XRCC3: variants seen among roughly 807,000 people sequenced by gnomAD.
XRCC3 encodes the protein DNA repair protein XRCC3.
Under a neutral mutation model 29.2 loss-of-function variants are expected in XRCC3, and 34 were observed. The ratio of observed to expected loss-of-function variants is 1.16; its 90% CI spans 0.88 to 1.55. The LOEUF (loss-of-function observed/expected upper bound fraction) is 1.55. Among genes scored for constraint, XRCC3 ranks in the 40% most tolerant of loss-of-function variants. The probability of loss-of-function intolerance (pLI) is 0.00; values close to 1 mark genes in which losing one functional copy is unlikely to be tolerated. For missense variants in XRCC3, 463 were observed against 467.6 expected (o/e 0.99, Z 0.09); for synonymous variants, 223 against 211.3 (o/e 1.06, Z -0.48).
intron 4 of XRCC3, chr14:103,710,668 G>A (rs1427146691): frequency 4.6e-6 from 1 of 215,468 alleles, no homozygotes; most frequent in Non-Finnish European, 9.3e-6. Context: ...GTGAACCCCG[G>A]GAGGCGGAGC....
rs1266079666 is a variant in XRCC3 at position 103,711,096 on chromosome 14, T to C, written c.-9A>G. The C allele has an allele frequency of 1.2e-6, 2 of 1,614,156 alleles. No homozygotes were observed. Among genetic ancestry groups the C allele is most frequent in the East Asian group, 4.5e-5 (2 of 44,888 alleles). ...AGTAGATCCAAATCCATTTTGTCGGTGGGCTGGCCACCAGGATGAATAACT... is the reference window on the plus strand; with the variant it reads ...AGTAGATCCAAATCCATTTTGTCGGCGGGCTGGCCACCAGGATGAATAACT... On this transcript the variant is annotated 5_prime_UTR_variant, in exon 4 of 10. Transcript: ENST00000555055.
intron 5 of XRCC3, chr14:103,707,931 C>G: frequency 4.6e-6 from 1 of 216,052 alleles, no homozygotes; most frequent in East Asian, 1.1e-4. Context: ...GCCCACAGCA[C>G]CGTGTGTGTG....
Position 103,699,005 on chromosome 14 carries a change from T to C in XRCC3, c.834A>G (p.Glu278=), listed in dbSNP as rs2151904481. The change falls in exon 10 of 10, where the codon GAA becomes GAG. Residue 278 remains glutamate (E), a synonymous_variant. Transcript: ENST00000555055. ...TTATGCCAAGGGCTGGGGAAACACGTTCGTCCCAGAACCTGAGAAACAGGA... is the reference window on the plus strand; with the variant it reads ...TTATGCCAAGGGCTGGGGAAACACGCTCGTCCCAGAACCTGAGAAACAGGA... The part of the protein sequence containing the change: ...AAHGPLGFWD[E]RVSPALGITW... 1.3e-6 allele frequency: 2 copies of C among 1,589,960 alleles called. No individual in the cohort carries two copies. Among genetic ancestry groups the C allele is most frequent in the Non-Finnish European group, 1.7e-6 (2 of 1,168,148 alleles).
chr14:103,713,807 A>T (rs1300450339), intron 1 of XRCC3: 1 of 152,120 alleles, frequency 6.6e-6, no homozygotes, highest in East Asian at 1.9e-4. Context: ...ACTTGAGTGA[A>T]CTCCGCAACC....
Position 103,699,476 on chromosome 14 carries a change from C to A in XRCC3, c.662G>T (p.Cys221Phe). Residue 221 changes from cysteine (C) to phenylalanine (F), a missense_variant, in exon 8 of 10, where the codon TGT becomes TTT. By Grantham distance (205) the Cys-to-Phe change is radical. Coordinates refer to ENST00000555055, the MANE Select transcript of XRCC3 (RefSeq NM_005432.4). The part of the protein sequence containing the change: ...VIDSVAAPFR[C>F]EFDSQASAPR... ...GGCGGAGGCCTGGCTGTCAAATTCACAGCGGAATGGGGCTGCCACCGAGTC... is the reference window on the plus strand; with the variant it reads ...GGCGGAGGCCTGGCTGTCAAATTCAAAGCGGAATGGGGCTGCCACCGAGTC... 6.2e-7 allele frequency: 1 copy of A among 1,612,764 alleles called. No homozygotes were observed. The highest frequency in any genetic ancestry group is 8.5e-7 in the Non-Finnish European group (1 of 1,179,956).
At chr14:103,710,999 C>A in intron 4 of XRCC3, 34 bp downstream of exon 4, 1 of 1,611,310 alleles carries the variant, frequency 6.2e-7, no homozygotes, top group Non-Finnish European at 8.5e-7. Flanking sequence ...CACACACCCA[C>A]CCACACCCTT....
At chr14:103,704,032 G>C (rs1210918401) in intron 6 of XRCC3, 1 of 154,112 alleles carries the variant, frequency 6.5e-6, no homozygotes, top group Non-Finnish European at 1.4e-5. Flanking sequence ...TTTCATGACA[G>C]CCCGGGGGGA....
intron 6 of XRCC3, chr14:103,706,099 C>T (rs2083425703): frequency 8.7e-6 from 3 of 346,024 alleles, no homozygotes; most frequent in South Asian, 4.3e-5. Context: ...TCTCAGGAGA[C>T]CCCTCACCCT....
At chr14:103,705,829 C>T (rs548781705) in intron 6 of XRCC3, 16 of 160,424 alleles carry the variant, frequency 1.0e-4, no homozygotes, top group African/African-American at 2.2e-4. Flanking sequence ...AAGCCTGGCA[C>T]GGAGGACGCT....
intron 7 of XRCC3, chr14:103,701,294 G>A (rs565461444): frequency 1.1e-5 from 15 of 1,337,554 alleles, no homozygotes; most frequent in East Asian, 2.5e-5. Context: ...GCCCCTGGCC[G>A]GGAGCCGCAG....
intron 4 of XRCC3, 127 bp downstream of exon 4, chr14:103,710,906 C>G (rs527794040): frequency 5.8e-6 from 5 of 865,446 alleles, no homozygotes; most frequent in South Asian, 2.9e-5. Context: ...TAGTACATCC[C>G]GCCCTCGGTT....
At chr14:103,703,384 C>A in intron 6 of XRCC3, 57 bp from the exon 7 acceptor site, 1 of 1,512,826 alleles carries the variant, frequency 6.6e-7, no homozygotes, top group South Asian at 1.2e-5. Context: ...CTGTGACTGC[C>A]ACACAAATCA....
intron 6 of XRCC3, chr14:103,703,648 C>T (rs531475399): frequency 2.5e-6 from 1 of 399,290 alleles, no homozygotes; most frequent in South Asian, 2.2e-5. Flanking sequence ...GCCCCTCCTT[C>T]CCCCTGTGAA....
At chr14:103,708,758 C>T (rs1478434586) in intron 4 of XRCC3, 99 bp from the exon 5 acceptor site, 24 of 1,506,206 alleles carry the variant, frequency 1.6e-5, no homozygotes, top group Non-Finnish European at 1.9e-5. Flanking sequence ...TGTGAGAGCA[C>T]CGTGCTTCCG....
Position 103,708,637 on chromosome 14 carries a change from C to G in XRCC3, c.78G>C (p.Glu26Asp). Residue 26 changes from glutamate (E) to aspartate (D), a missense_variant, in exon 5 of 10, where the codon GAG (glutamate) becomes GAC (aspartate). Transcript: ENST00000555055. The part of the protein sequence containing the change: ...IKKAKLKSVK[E>D]VLHFSGPDLK... Reference sequence around the variant, plus strand: ...AGTCTGGTCCAGAAAAGTGTAAAACCTCCTTTACCGATTTCAGTTTGGCTG... The same window carrying G: ...AGTCTGGTCCAGAAAAGTGTAAAACGTCCTTTACCGATTTCAGTTTGGCTG... 1 of 1,614,150 alleles carries G rather than the reference C, an allele frequency of 6.2e-7. No homozygotes were observed.
chr14:103,699,611 G>A, intron 7 of XRCC3, 35 bp from the exon 8 acceptor site: 1 of 1,606,978 alleles, frequency 6.2e-7, no homozygotes, highest in Non-Finnish European at 8.5e-7. Context: ...ATGCTGGTCA[G>A]CAAGTCCCCG....
chr14:103,700,804 G>A, intron 7 of XRCC3: 2 of 1,220,568 alleles, frequency 1.6e-6, no homozygotes, highest in South Asian at 1.5e-5. Context: ...GGGACTGGGG[G>A]GAGCTGGGGA....
In XRCC3 at chr14:103,698,539, C is replaced by T; in HGVS notation, c.*259G>A. On this transcript the variant is annotated 3_prime_UTR_variant, in exon 10 of 10. Coordinates refer to ENST00000555055, the MANE Select transcript of XRCC3 (RefSeq NM_005432.4). ...CCTGAGAATCACCTCTCCCCAAGGG[C>T]CAGCTCAGCAGTGGGGACCAGGTAC... The T allele has an allele frequency of 1.9e-6, 1 of 538,296 alleles. No individual in the cohort carries two copies. The highest frequency in any genetic ancestry group is 1.9e-5 in the African/African-American group (1 of 52,660). 33.3% of individuals were successfully genotyped at this position (538,296 alleles called of 1,614,324 possible). A position where few individuals can be genotyped will look rare whatever the true frequency, so the allele number is the denominator to read the frequency against.
intron 2 of XRCC3, chr14:103,712,330 G>A (rs1595678453): frequency 6.5e-6 from 1 of 154,948 alleles, no homozygotes; most frequent in African/African-American, 2.4e-5. Context: ...CACCCTGGAG[G>A]GCCGGGCGCA....
Sources: allele counts gnomAD v4.1 joint callset, GRCh38; gene constraint gnomAD v4.1.1; transcripts MANE v1.5; gene names NCBI Gene and HGNC (gene_info 2026-07-23, HGNC 2026-07-21).